Variants in VEGFD observed in about 807,000 individuals in gnomAD.
VEGFD encodes the protein vascular endothelial growth factor D.
Under a neutral mutation model 28.0 loss-of-function variants are expected in VEGFD, and 26 were observed. That is an observed-to-expected ratio of 0.93 (90% CI 0.68 to 1.29). The LOEUF (loss-of-function observed/expected upper bound fraction) is 1.29, where lower values mean the gene tolerates loss of function less well. VEGFD is among the 50% of genes most tolerant of loss of function. The pLI is 0.00. For synonymous variants in VEGFD, 93 were observed against 95.5 expected, an observed-to-expected ratio of 0.97 and a Z score of 0.15; for missense variants, 294 against 273.4, an observed-to-expected ratio of 1.08 and a Z score of -0.53.
chrX:15,362,955 A>T (rs1176001757), intron 2 of VEGFD, among the ~76,000 whole-genome samples, 154 bp downstream of exon 2: 1 of 112,142 alleles, frequency 8.9e-6, no homozygotes, highest in Non-Finnish European at 1.9e-5. Flanking sequence ...TAAACATTAA[A>T]AAATCAAGAT....
chrX:15,369,570 A>G (rs1362759837), intron 1 of VEGFD, among the ~76,000 whole-genome samples: 2 of 111,604 alleles, frequency 1.8e-5, no homozygotes, highest in Non-Finnish European at 3.8e-5. Flanking sequence ...GTAAAATTGT[A>G]TTGTTGCTTT....
chrX:15,358,943 T>G (rs1359268932), intron 2 of VEGFD, among the ~76,000 whole-genome samples: 6 of 112,345 alleles, frequency 5.3e-5, no homozygotes, highest in African/African-American at 1.9e-4. Context: ...CCTTTGATAC[T>G]TAATGCTGCA....
intron 5 of VEGFD, among the ~76,000 whole-genome samples, chrX:15,350,724 T>C (rs1470040307): frequency 4.5e-5 from 5 of 110,611 alleles, no homozygotes; most frequent in Non-Finnish European, 9.5e-5. Context: ...TCTTTCTCTT[T>C]CTTTCTTTCT....
intron 1 of VEGFD, among the ~76,000 whole-genome samples, chrX:15,382,875 C>T (rs780067757): frequency 3.9e-4 from 44 of 111,713 alleles, no homozygotes; most frequent in Non-Finnish European, 7.3e-4. Context: ...AGACACTTTC[C>T]CCCTATGCAA....
At chrX:15,382,146 C>T (rs1208946628) in intron 1 of VEGFD, among the ~76,000 whole-genome samples, 1 of 110,621 alleles carries the variant, frequency 9.0e-6, no homozygotes, top group East Asian at 2.8e-4. Context: ...CAGTGAAACC[C>T]TGTCTCTACT....
chrX:15,351,414 C>T (rs1033531323), intron 5 of VEGFD, among the ~76,000 whole-genome samples: 1 of 107,403 alleles, frequency 9.3e-6, no homozygotes, highest in African/African-American at 3.4e-5. Flanking sequence ...CCACCGCGCC[C>T]GGCCGGCCCG....
intron 1 of VEGFD, among the ~76,000 whole-genome samples, chrX:15,378,796 A>AT (rs748347679): frequency 1.6e-4 from 18 of 109,212 alleles, no homozygotes; most frequent in Admixed American, 6.8e-4. Flanking sequence ...GGTTGAAACA[A>AT]TTTTTTTTTT....
At chrX:15,357,052 CAG>C (rs1209797757) in intron 3 of VEGFD, among the ~76,000 whole-genome samples, 1 of 111,903 alleles carries the variant, frequency 8.9e-6, no homozygotes, top group Non-Finnish European at 1.9e-5. Flanking sequence ...GAATTTGCAA[CAG>C]ATACCAAAAA....
chrX:15,351,843 T>C (rs1922738956), intron 5 of VEGFD, among the ~76,000 whole-genome samples: 1 of 112,821 alleles, frequency 8.9e-6, no homozygotes, highest in Middle Eastern at 4.2e-3. Flanking sequence ...TATATTAAGA[T>C]AAATTTCACT....
chrX:15,360,019 C>T (rs1381063834), intron 2 of VEGFD, among the ~76,000 whole-genome samples: 1 of 112,312 alleles, frequency 8.9e-6, no homozygotes, highest in East Asian at 2.8e-4. Flanking sequence ...ATTTTTACTG[C>T]ATTTTCAAGA....
intron 2 of VEGFD, among the ~76,000 whole-genome samples, chrX:15,361,583 C>T (rs1162509991): frequency 8.9e-6 from 1 of 111,977 alleles, no homozygotes; most frequent in African/African-American, 3.3e-5. Flanking sequence ...TGGGAAAAAA[C>T]AAATACAATT....
In VEGFD at chrX:15,372,438, A is replaced by AC. The variant is rs762872488; in HGVS notation, c.91-9120dup. Among the ~76,000 whole-genome samples, 14 of 107,686 alleles carry AC rather than the reference A, an allele frequency of 1.3e-4. No homozygotes were observed. In the East Asian group the frequency reaches 2.0e-3, roughly 15 times the overall value. The allele number at this position is 107,686 out of a possible 115,157, so 93.5% of individuals were successfully genotyped here. A position where few individuals can be genotyped will look rare whatever the true frequency, so the allele number is the denominator to read the frequency against. ...AACATTTTGTGCCATTAAAGCTCTC[A>AC]CAAAAAAAAAAATAATAAAGCAGGC... On this transcript the variant is annotated intron_variant, in intron 1 of 6. Transcript: ENST00000297904.
Position 15,383,847 on chromosome X carries a change from G to A in VEGFD, c.90+10C>T. On this transcript the variant is annotated intron_variant, in intron 1 of 6. Transcript: ENST00000297904. ...AGAACTTCATCACATTAAAAATTGAGCTCACCTACCTTCACTGGTCCATGT... is the reference window on the plus strand; with the variant it reads ...AGAACTTCATCACATTAAAAATTGAACTCACCTACCTTCACTGGTCCATGT... 8.4e-7 allele frequency: 1 copy of A among 1,187,667 alleles called. No homozygotes were observed. Among genetic ancestry groups the A allele is most frequent in the Non-Finnish European group, 1.1e-6 (1 of 873,971 alleles).
At chrX:15,376,753 C>T (rs1411689091) in intron 1 of VEGFD, among the ~76,000 whole-genome samples, 4 of 111,997 alleles carry the variant, frequency 3.6e-5, no homozygotes, top group Non-Finnish European at 3.8e-5. Flanking sequence ...TACTTATAAA[C>T]GAAGCACACC....
At chrX:15,371,182 C>T (rs752106976) in intron 1 of VEGFD, among the ~76,000 whole-genome samples, 4 of 111,802 alleles carry the variant, frequency 3.6e-5, no homozygotes, top group African/African-American at 1.3e-4. Flanking sequence ...CAGGGGTTCA[C>T]ACTGTTAATT....
chrX:15,347,024 G>T, intron 6 of VEGFD, 140 bp downstream of exon 6: 1 of 510,886 alleles, frequency 2.0e-6, no homozygotes, highest in Non-Finnish European at 3.3e-6. Context: ...TTATTCCTTA[G>T]CTGCTAAACC....
chrX:15,355,001 A>T (rs1015657341), intron 4 of VEGFD, 149 bp downstream of exon 4: 3 of 476,944 alleles, frequency 6.3e-6, no homozygotes, highest in Admixed American at 4.2e-5. Context: ...TTTGCCAGTT[A>T]TTACCAGTAG....
chrX:15,351,950 A>G (rs1922741714), intron 5 of VEGFD, among the ~76,000 whole-genome samples: 1 of 112,176 alleles, frequency 8.9e-6, no homozygotes, highest in African/African-American at 3.2e-5. Flanking sequence ...GAGAGATTTC[A>G]TTTCAGTATA....
chrX:15,379,914 A>G (rs1475024950), intron 1 of VEGFD, among the ~76,000 whole-genome samples: 1 of 112,257 alleles, frequency 8.9e-6, no homozygotes, highest in Non-Finnish European at 1.9e-5. Context: ...TAAGTCATAC[A>G]AGGAAGTACT....
Sources: gnomAD v4.1 joint callset for allele counts (sites outside exome capture counted in the v4.1 genomes callset) on GRCh38, gnomAD v4.1.1 for gene constraint, MANE v1.5 for transcripts, NCBI Gene and HGNC (gene_info 2026-07-23, HGNC 2026-07-21) for gene names.